The following MCTP2 variants were observed in gnomAD, a reference collection of about 807,000 sequenced individuals.
MCTP2 encodes the protein multiple C2 and transmembrane domain-containing protein 2.
In MCTP2, 132 loss-of-function variants were observed where a neutral mutation model predicts 111.6. The observed-to-expected ratio is 1.18, with a 90% CI of 1.03 to 1.37. The LOEUF is 1.37. Ranked by LOEUF, MCTP2 falls within the 40% of genes most tolerant of loss-of-function variation. MCTP2 has a pLI of 0.00. For missense variants in MCTP2, 1,183 were observed against 1,067.9 expected (o/e 1.11, Z -1.50); for synonymous variants, 395 against 387.7 (o/e 1.02, Z -0.22).
chr15:94,410,749 C>T (rs1375329099), intron 17 of MCTP2, among the ~76,000 whole-genome samples: 1 of 152,200 alleles, frequency 6.6e-6, no homozygotes, highest in Non-Finnish European at 1.5e-5. Flanking sequence ...ACACAGTAGG[C>T]ATCTAATCAA....
chr15:94,276,001 A>G (rs935651897), intron 1 of MCTP2, among the ~76,000 whole-genome samples: 2 of 152,052 alleles, frequency 1.3e-5, no homozygotes, highest in African/African-American at 4.8e-5. Flanking sequence ...ACTTGCCACC[A>G]TGCCCAGCTA....
chr15:94,348,555 T>G (rs2078127312), intron 8 of MCTP2, among the ~76,000 whole-genome samples: 1 of 93,652 alleles, frequency 1.1e-5, no homozygotes, highest in Admixed American at 1.2e-4. Flanking sequence ...GAGACGTTTT[T>G]TGATTGTTTG....
At chr15:94,316,957 G>A (rs2076403458) in intron 4 of MCTP2, among the ~76,000 whole-genome samples, 1 of 151,720 alleles carries the variant, frequency 6.6e-6, no homozygotes. Context: ...ATGTCTCTTA[G>A]GTTTTCTTTT....
At chr15:94,400,248 A>G (rs1441714749) in intron 16 of MCTP2, among the ~76,000 whole-genome samples, 1 of 152,116 alleles carries the variant, frequency 6.6e-6, no homozygotes, top group Non-Finnish European at 1.5e-5. Flanking sequence ...TCAGGCCCCC[A>G]TTATTCTCCT....
At chr15:94,429,775 C>A (rs1487928854) in intron 17 of MCTP2, among the ~76,000 whole-genome samples, 1 of 152,176 alleles carries the variant, frequency 6.6e-6, no homozygotes, top group Non-Finnish European at 1.5e-5. Context: ...ACCATAACCT[C>A]TACCCTGAAT....
chr15:94,330,261 A>AT (rs2077070034), intron 4 of MCTP2, among the ~76,000 whole-genome samples: 1 of 151,942 alleles, frequency 6.6e-6, no homozygotes, highest in Non-Finnish European at 1.5e-5. Flanking sequence ...GTCCTGTTCT[A>AT]TTTTTTTCTA....
At chr15:94,401,036 G>C (rs2081561519) in intron 16 of MCTP2, among the ~76,000 whole-genome samples, 1 of 152,024 alleles carries the variant, frequency 6.6e-6, no homozygotes, top group Non-Finnish European at 1.5e-5. Flanking sequence ...GAGGTGGGTG[G>C]GGTAGCTGCT....
chr15:94,415,560 A>T (rs996392213), intron 17 of MCTP2, among the ~76,000 whole-genome samples: 2 of 152,088 alleles, frequency 1.3e-5, no homozygotes, highest in Non-Finnish European at 2.9e-5. Flanking sequence ...CCCGTGCAGC[A>T]TTCTCCTTTT....
In MCTP2 at chr15:94,290,427, C is replaced by A. The variant is rs572163142; in HGVS notation, c.-65-7774C>A. ...CTGAAAGTTTATACAGAGATATAGT[C>A]AAAATCATAACTGATAAATTAAAAT... On this transcript the variant is annotated intron_variant, in intron 1 of 22. Coordinates refer to ENST00000357742, the MANE Select transcript of MCTP2 (RefSeq NM_001385001.1). Among the ~76,000 whole-genome samples, 5 of 152,040 alleles carry A rather than the reference C, an allele frequency of 3.3e-5. No individual in the cohort carries two copies. The South Asian group carries it at 1.0e-3, about 32-fold the overall frequency.
chr15:94,257,452 G>A (rs561374717), intron 1 of MCTP2, among the ~76,000 whole-genome samples: 68 of 151,940 alleles, frequency 4.5e-4, no homozygotes, highest in South Asian at 1.2e-3. Context: ...TATATTTTGC[G>A]TGTGGTAACA....
intron 20 of MCTP2, among the ~76,000 whole-genome samples, chr15:94,464,261 A>ATATATAATATATATATATATAT (rs2085434144): frequency 9.2e-5 from 4 of 43,312 alleles, no homozygotes; most frequent in South Asian, 6.9e-4. Context: ...TATATATTAT[A>ATATATAATATATATATATATAT]TATATATATA....
intron 19 of MCTP2, among the ~76,000 whole-genome samples, chr15:94,453,597 G>C (rs1186683731): frequency 6.6e-6 from 1 of 152,180 alleles, no homozygotes; most frequent in Non-Finnish European, 1.5e-5. Context: ...AAAGTAGTCT[G>C]AACACTCTTA....
chr15:94,440,319 CTGA>C, intron 18 of MCTP2, 21 bp downstream of exon 18: 1 of 1,612,870 alleles, frequency 6.2e-7, no homozygotes, highest in Non-Finnish European at 8.5e-7. Flanking sequence ...ATTCGGAGTT[CTGA>C]CATTTGACTG....
chr15:94,273,124 T>G (rs924909571), intron 1 of MCTP2, among the ~76,000 whole-genome samples: 1 of 152,194 alleles, frequency 6.6e-6, no homozygotes, highest in African/African-American at 2.4e-5. Flanking sequence ...TCCCCTTTAG[T>G]GAGTGCCGTT....
chr15:94,238,212 A>G (rs1187041249), intron 1 of MCTP2, among the ~76,000 whole-genome samples: 3 of 152,172 alleles, frequency 2.0e-5, no homozygotes, highest in African/African-American at 7.2e-5. Flanking sequence ...GACATAGTAG[A>G]GTGAGGAGTG....
intron 20 of MCTP2, among the ~76,000 whole-genome samples, chr15:94,470,090 G>A (rs2073788970): frequency 1.3e-5 from 2 of 152,146 alleles, no homozygotes; most frequent in African/African-American, 2.4e-5. Context: ...GGGTTCCAGG[G>A]AGGTAAAGTC....
At chr15:94,327,775 C>T (rs757233595) in intron 4 of MCTP2, among the ~76,000 whole-genome samples, 33 of 152,298 alleles carry the variant, frequency 2.2e-4, no homozygotes, top group Middle Eastern at 3.4e-3. Flanking sequence ...ATATCATCAC[C>T]GGACATGTTT....
chr15:94,302,872 G>A (rs1294213604), intron 2 of MCTP2, among the ~76,000 whole-genome samples: 1 of 151,844 alleles, frequency 6.6e-6, no homozygotes, highest in Non-Finnish European at 1.5e-5. Flanking sequence ...ACGAGACGGG[G>A]CAAATTACAA....
At chr15:94,254,316 G>A (rs1341539825) in intron 1 of MCTP2, among the ~76,000 whole-genome samples, 6 of 152,148 alleles carry the variant, frequency 3.9e-5, no homozygotes, top group Admixed American at 6.5e-5. Context: ...TCCCAGTTAC[G>A]TAGGGATGGC....
Sources: allele counts gnomAD v4.1 joint callset (sites outside exome capture counted in the v4.1 genomes callset), GRCh38; gene constraint gnomAD v4.1.1; transcripts MANE v1.5; gene names NCBI Gene and HGNC (gene_info 2026-07-23, HGNC 2026-07-21).